Variants in MAP3K13 observed in about 807,000 individuals in gnomAD.
The protein encoded by MAP3K13 is mitogen-activated protein kinase kinase kinase 13, also known as leucine zipper-bearing kinase.
In MAP3K13, 52 loss-of-function variants were observed where a neutral mutation model predicts 104.0. The observed-to-expected ratio is 0.50, with a 90% CI of 0.40 to 0.63. The LOEUF (loss-of-function observed/expected upper bound fraction) is 0.63. MAP3K13 is among the 20% of genes least tolerant of loss of function. MAP3K13 has a pLI of 0.00. For synonymous variants in MAP3K13, 394 were observed against 442.2 expected, an observed-to-expected ratio of 0.89 and a Z score of 1.37; for missense variants, 914 against 1,218.5, an observed-to-expected ratio of 0.75 and a Z score of 3.72.
chr3:185,455,691 TG>T (rs1716619186), intron 7 of MAP3K13, among the ~76,000 whole-genome samples: 12 of 17,860 alleles, frequency 6.7e-4, no homozygotes, highest in South Asian at 5.5e-3. Context: ...GATATATATA[TG>T]ATATATATAT....
chr3:185,416,653 C>T (rs982725198), intron 1 of MAP3K13, among the ~76,000 whole-genome samples: 2 of 151,996 alleles, frequency 1.3e-5, no homozygotes, highest in African/African-American at 2.4e-5. Flanking sequence ...TTTTTTGAGA[C>T]GGCCTTGCTA....
chr3:185,304,294 T>C (rs1721205764), intron 2 of MAP3K13, among the ~76,000 whole-genome samples: 1 of 152,212 alleles, frequency 6.6e-6, no homozygotes, highest in Non-Finnish European at 1.5e-5. Context: ...GTTCTGCTGT[T>C]GTGGAGTAGA....
chr3:185,451,867 CAAAA>C (rs1265471490), intron 7 of MAP3K13, among the ~76,000 whole-genome samples: 1 of 54,846 alleles, frequency 1.8e-5, no homozygotes, highest in Non-Finnish European at 4.0e-5. Context: ...AACACCGCCT[CAAAA>C]AAAAAAAAAA....
intron 2 of MAP3K13, among the ~76,000 whole-genome samples, chr3:185,331,470 A>G (rs2108707952): frequency 6.6e-6 from 1 of 151,100 alleles, no homozygotes; most frequent in East Asian, 1.9e-4. Flanking sequence ...GTGTGTACAT[A>G]TATGTATGCC....
chr3:185,474,966 G>A (rs1000914463), intron 11 of MAP3K13, among the ~76,000 whole-genome samples: 3 of 151,792 alleles, frequency 2.0e-5, no homozygotes, highest in African/African-American at 7.3e-5. Context: ...GTGGTGGCAG[G>A]CACCTGTAAT....
chr3:185,300,225 TGTTGCC>T (rs1721054798), intron 2 of MAP3K13, among the ~76,000 whole-genome samples: 1 of 150,478 alleles, frequency 6.6e-6, no homozygotes, highest in Admixed American at 6.6e-5. Flanking sequence ...AGTTTCACTC[TGTTGCC>T]CAGGCTAGAG....
intron 7 of MAP3K13, among the ~76,000 whole-genome samples, chr3:185,452,680 G>A (rs1160081464): frequency 6.6e-6 from 1 of 152,180 alleles, no homozygotes; most frequent in African/African-American, 2.4e-5. Context: ...GGTCAGCTGG[G>A]AGGCTGGCTG....
In MAP3K13 at chr3:185,465,557, G is replaced by A. The variant is rs78139091; in HGVS notation, c.1389-190G>A. ...CTCATGGGCTCTTTAGGATAAACCA[G>A]GTGGAGAGCTTAGATTTCCCACCTC... On this transcript the variant is annotated intron_variant, in intron 8 of 13. Coordinates refer to ENST00000265026, the MANE Select transcript of MAP3K13 (RefSeq NM_004721.5). Among the ~76,000 whole-genome samples, 418 of 152,280 alleles carry A rather than the reference G, an allele frequency of 2.7e-3. 2 individuals carry two copies. Among genetic ancestry groups the A allele is most frequent in the African/African-American group, 9.7e-3 (405 of 41,544 alleles).
chr3:185,376,983 GAAGGGTGC>G (rs981342979), intron 1 of MAP3K13, among the ~76,000 whole-genome samples: 3 of 152,156 alleles, frequency 2.0e-5, no homozygotes, highest in African/African-American at 7.2e-5. Context: ...AGGCTGGGAT[GAAGGGTGC>G]AAGGAATAGT....
At chr3:185,435,169 AT>A (rs35103398) in intron 2 of MAP3K13, among the ~76,000 whole-genome samples, 1,410 of 140,856 alleles carry the variant, frequency 0.01, 20 homozygotes, top group African/African-American at 0.03. Flanking sequence ...ATGCCTGGCT[AT>A]TTTTTTTTTT....
At chr3:185,438,362 C>T (rs887478735) in intron 3 of MAP3K13, among the ~76,000 whole-genome samples, 5 of 151,934 alleles carry the variant, frequency 3.3e-5, no homozygotes, top group African/African-American at 1.2e-4. Flanking sequence ...GATCAAAGAA[C>T]AATCAATCCT....
chr3:185,434,227 A>C (rs1714902083), intron 2 of MAP3K13, among the ~76,000 whole-genome samples: 1 of 152,226 alleles, frequency 6.6e-6, no homozygotes, highest in African/African-American at 2.4e-5. Context: ...AGTTTCTTCA[A>C]GTTTATGTGA....
intron 1 of MAP3K13, among the ~76,000 whole-genome samples, chr3:185,419,431 C>T (rs1051446352): frequency 1.3e-5 from 2 of 152,082 alleles, no homozygotes; most frequent in Non-Finnish European, 2.9e-5. Flanking sequence ...TTAATCTGTG[C>T]GTTTAAAGCA....
At chr3:185,462,204 G>C (rs1416069313) in intron 7 of MAP3K13, among the ~76,000 whole-genome samples, 2 of 152,140 alleles carry the variant, frequency 1.3e-5, no homozygotes, top group African/African-American at 4.8e-5. Context: ...TTCACTGTTT[G>C]TTTCTCTCTG....
chr3:185,336,733 T>C (rs1722520121), intron 2 of MAP3K13, among the ~76,000 whole-genome samples: 1 of 151,218 alleles, frequency 6.6e-6, no homozygotes, highest in Non-Finnish European at 1.5e-5. Flanking sequence ...TTAAAAGGCT[T>C]TAACTTTAGA....
intron 7 of MAP3K13, among the ~76,000 whole-genome samples, chr3:185,452,416 T>C (rs1040753707): frequency 4.6e-5 from 7 of 152,048 alleles, no homozygotes; most frequent in African/African-American, 1.7e-4. Context: ...TTTGTTTTTT[T>C]GGTAGAGATG....
intron 2 of MAP3K13, among the ~76,000 whole-genome samples, chr3:185,295,896 A>T (rs1025249910): frequency 1.6e-4 from 25 of 152,112 alleles, no homozygotes. Context: ...ACCACTCTTC[A>T]CTTAGATATT....
chr3:185,294,186 C>A (rs930762989), intron 2 of MAP3K13, among the ~76,000 whole-genome samples: 1 of 152,070 alleles, frequency 6.6e-6, no homozygotes, highest in Non-Finnish European at 1.5e-5. Flanking sequence ...CTAGGTTTAT[C>A]TTTAGTTTAA....
At chr3:185,298,898 G>A (rs1577403094) in intron 2 of MAP3K13, among the ~76,000 whole-genome samples, 1 of 152,194 alleles carries the variant, frequency 6.6e-6, no homozygotes, top group Non-Finnish European at 1.5e-5. Flanking sequence ...AGCCAAAAGG[G>A]TTCTGTAATG....
Sources: allele counts gnomAD v4.1 joint callset (sites outside exome capture counted in the v4.1 genomes callset), GRCh38; gene constraint gnomAD v4.1.1; transcripts MANE v1.5; gene names NCBI Gene and HGNC (gene_info 2026-07-23, HGNC 2026-07-21).